SUSD4: variants seen among roughly 807,000 people sequenced by gnomAD.
The protein encoded by SUSD4 is sushi domain containing 4, also known as sushi domain-containing protein 4.
A neutral mutation model predicts 50.5 loss-of-function variants in SUSD4; 41 were observed. The ratio of observed to expected loss-of-function variants is 0.81; its 90% CI spans 0.63 to 1.05. The LOEUF (loss-of-function observed/expected upper bound fraction) is 1.05. Among genes scored for constraint, SUSD4 ranks in the 50% least tolerant of loss-of-function variants. The pLI is 0.00. For synonymous variants in SUSD4, 257 were observed against 257.3 expected (o/e 1.00, Z 0.01); for missense variants, 580 against 634.7 (o/e 0.91, Z 0.93).
intron 2 of SUSD4, among the ~76,000 whole-genome samples, chr1:223,354,566 C>T (rs1228982303): frequency 1.3e-5 from 2 of 152,112 alleles, no homozygotes; most frequent in Admixed American, 6.5e-5. Flanking sequence ...ACTTAGGTAG[C>T]CTTCATCAGC....
At chr1:223,226,824 T>G (rs1016075285) in intron 7 of SUSD4, among the ~76,000 whole-genome samples, 1 of 152,278 alleles carries the variant, frequency 6.6e-6, no homozygotes, top group East Asian at 1.9e-4. Context: ...TTCTGTGGTG[T>G]TTTGCTGTCC....
intron 5 of SUSD4, among the ~76,000 whole-genome samples, chr1:223,242,887 A>G (rs1660677840): frequency 6.6e-6 from 1 of 152,128 alleles, no homozygotes; most frequent in African/African-American, 2.4e-5. Context: ...GGGGAAAAGA[A>G]AGCATCTGCC....
chr1:223,362,518 A>G (rs1311894284), intron 2 of SUSD4, among the ~76,000 whole-genome samples: 7 of 152,174 alleles, frequency 4.6e-5, no homozygotes, highest in African/African-American at 1.4e-4. Flanking sequence ...TTCCTCTACC[A>G]CAACTAAAAG....
At chr1:223,358,464 T>G (rs750935014) in intron 2 of SUSD4, among the ~76,000 whole-genome samples, 11 of 152,240 alleles carry the variant, frequency 7.2e-5, no homozygotes, top group Admixed American at 3.3e-4. Context: ...GCAGAGCACT[T>G]GTTTATACCA....
intron 2 of SUSD4, among the ~76,000 whole-genome samples, chr1:223,337,952 C>A (rs577969508): frequency 1.3e-5 from 2 of 152,240 alleles, no homozygotes; most frequent in Middle Eastern, 3.2e-3. Flanking sequence ...TCAATCTGTT[C>A]TACTCAAGGT....
chr1:223,259,976 T>C (rs1661986484), intron 5 of SUSD4, among the ~76,000 whole-genome samples: 1 of 152,038 alleles, frequency 6.6e-6, no homozygotes, highest in African/African-American at 2.4e-5. Context: ...ACTTTCTCTT[T>C]CCCCAAGGCT....
Position 223,223,296 on chromosome 1 carries a change from G to A in SUSD4, c.1397C>T (p.Thr466Met), listed in dbSNP as rs377209634. 7.2e-5 allele frequency: 114 copies of A among 1,584,480 alleles called. No individual in the cohort carries two copies. The East Asian group carries it at 1.2e-3, about 17-fold the overall frequency. The change falls in exon 8 of 9, where the codon ACG becomes ATG. Residue 466 changes from threonine to methionine, a missense_variant. Thr to Met is a moderately conservative substitution (Grantham distance 81, BLOSUM62 -1). Coordinates refer to ENST00000366878, the MANE Select transcript of SUSD4 (RefSeq NM_017982.4). ...ASDNPDIIAS[T>M]AEEVASTSPG... ...GCTGGTGGATGCCACCTCCTCTGCC[G>A]TGCTGGCAATTATGTCAGGGTTGTC...
chr1:223,315,738 G>T (rs568549503), intron 2 of SUSD4, among the ~76,000 whole-genome samples: 2 of 152,028 alleles, frequency 1.3e-5, no homozygotes, highest in Non-Finnish European at 2.9e-5. Context: ...AAATTTTTCC[G>T]CTATTTCTCT....
chr1:223,351,005 A>G (rs1276370034), intron 2 of SUSD4, among the ~76,000 whole-genome samples: 2 of 152,234 alleles, frequency 1.3e-5, no homozygotes, highest in Non-Finnish European at 2.9e-5. Context: ...ATATTTATTG[A>G]AATCTTACTA....
At chr1:223,264,859 C>T in intron 4 of SUSD4, 41 bp from the exon 5 acceptor site, 1 of 1,582,334 alleles carries the variant, frequency 6.3e-7, no homozygotes, top group Non-Finnish European at 8.6e-7. Flanking sequence ...TCCACTCTGT[C>T]ATCTCTGTAC....
chr1:223,353,764 G>GC (rs1028130757), intron 2 of SUSD4, among the ~76,000 whole-genome samples: 1 of 152,058 alleles, frequency 6.6e-6, no homozygotes, highest in African/African-American at 2.4e-5. Flanking sequence ...CAGGGATGAC[G>GC]CCCCCTGGCC....
In SUSD4 at chr1:223,231,434, G is replaced by C. The variant is rs1345477630; in HGVS notation, c.725-2046C>G. Among the ~76,000 whole-genome samples, 1 of 152,168 alleles carries C rather than the reference G, an allele frequency of 6.6e-6. No homozygotes were observed. The highest frequency in any genetic ancestry group is 2.1e-4 in the South Asian group (1 of 4,830). On this transcript the variant is annotated intron_variant, in intron 5 of 8. Coordinates refer to ENST00000366878, the MANE Select transcript of SUSD4 (RefSeq NM_017982.4). The surrounding 1 kb of genome is among the most constrained non-coding windows in gnomAD (Gnocchi z 4.2). ...CACAGGTGGACACTGGCAGAGACAG[G>C]CTTTGAGCTCTGACTCTGAGGCCCA... is the stretch of plus-strand genomic sequence containing the variant.
intron 5 of SUSD4, among the ~76,000 whole-genome samples, chr1:223,246,303 G>C (rs1262003023): frequency 6.6e-6 from 1 of 152,166 alleles, no homozygotes; most frequent in Admixed American, 6.5e-5. Context: ...GGCCAAATGG[G>C]AGTCAGTAGA....
In SUSD4 at chr1:223,332,306, T is replaced by C. The variant is rs1667220183; in HGVS notation, c.148+30972A>G. ...TTATACAAGCTCATATACACACATATCTACAGAAAACATCATAGTGTATGT... is the reference window on the plus strand; with the variant it reads ...TTATACAAGCTCATATACACACATACCTACAGAAAACATCATAGTGTATGT... On this transcript the variant is annotated intron_variant, in intron 2 of 8. Transcript: ENST00000366878. The surrounding 1 kb of genome is among the most constrained non-coding windows in gnomAD (Gnocchi z 4.0). Among the ~76,000 whole-genome samples, 1 of 152,182 alleles carries C rather than the reference T, an allele frequency of 6.6e-6. No individual in the cohort carries two copies. The highest frequency in any genetic ancestry group is 6.5e-5 in the Admixed American group (1 of 15,274).
chr1:223,237,983 TCTGTTTGGAAAAGTTATTAA>T (rs1258153440), intron 5 of SUSD4, among the ~76,000 whole-genome samples: 1 of 152,024 alleles, frequency 6.6e-6, no homozygotes, highest in African/African-American at 2.4e-5. Flanking sequence ...CCTAGTGCTT[TCTGTTTGGAAAAGTTATTAA>T]TTATTGATTC....
chr1:223,237,082 T>C (rs1660271217), intron 5 of SUSD4, among the ~76,000 whole-genome samples: 1 of 152,076 alleles, frequency 6.6e-6, no homozygotes, highest in Non-Finnish European at 1.5e-5. Flanking sequence ...TAGATTTGTG[T>C]CTAAGCATTC....
chr1:223,264,280 G>C, intron 5 of SUSD4: 9 of 1,012,398 alleles, frequency 8.9e-6, no homozygotes, highest in Non-Finnish European at 1.1e-5. Flanking sequence ...ATAAAACGAG[G>C]GGTAAGATTA....
At chr1:223,330,768 A>C (rs1050578458) in intron 2 of SUSD4, among the ~76,000 whole-genome samples, 2 of 152,232 alleles carry the variant, frequency 1.3e-5, no homozygotes, top group Non-Finnish European at 2.9e-5. Context: ...TGATTGCAGC[A>C]TTTAGTTCCA....
chr1:223,242,116 A>G (rs969358147), intron 5 of SUSD4, among the ~76,000 whole-genome samples: 1 of 151,866 alleles, frequency 6.6e-6, no homozygotes, highest in Admixed American at 6.6e-5. Flanking sequence ...TAATTTTTGT[A>G]TTTTTTTGTA....
Sources: allele counts gnomAD v4.1 joint callset (sites outside exome capture counted in the v4.1 genomes callset), GRCh38; gene constraint gnomAD v4.1.1; non-coding constraint Gnocchi (gnomAD v3.1); transcripts MANE v1.5; gene names NCBI Gene and HGNC (gene_info 2026-07-23, HGNC 2026-07-21).